BCORL1: variants seen among roughly 807,000 people sequenced by gnomAD.
BCORL1 encodes the protein BCL-6 corepressor-like protein 1.
In BCORL1, 7 loss-of-function variants were observed where a neutral mutation model predicts 87.6. The ratio of observed to expected loss-of-function variants is 0.08; its 90% CI spans 0.05 to 0.15. BCORL1 has a LOEUF of 0.15. Among genes scored for constraint, BCORL1 ranks in the 10% least tolerant of loss-of-function variants. The pLI is 1.00. For synonymous variants in BCORL1, 591 were observed against 634.4 expected (o/e 0.93, Z 1.03); for missense variants, 1,215 against 1,499.7 (o/e 0.81, Z 3.13).
intron 11 of BCORL1, among the ~76,000 whole-genome samples, chrX:130,040,330 A>G (rs1391660983): frequency 8.9e-6 from 1 of 112,372 alleles, no homozygotes; most frequent in African/African-American, 3.2e-5. Flanking sequence ...TTATCCAACA[A>G]AGGTTAACTA....
intron 1 of BCORL1, among the ~76,000 whole-genome samples, chrX:130,002,136 T>G (rs776343151): frequency 9.1e-6 from 1 of 109,440 alleles, no homozygotes; most frequent in East Asian, 2.9e-4. Flanking sequence ...TGCCGTTAAG[T>G]AAGCTAGGAA....
intron 5 of BCORL1, among the ~76,000 whole-genome samples, chrX:130,022,036 C>T (rs1022027988): frequency 9.0e-6 from 1 of 110,709 alleles, no homozygotes; most frequent in Non-Finnish European, 1.9e-5. Context: ...ATCTCCCTGC[C>T]TCAGCCTCCC....
chrX:130,003,207 G>A (rs1928195741), intron 1 of BCORL1, among the ~76,000 whole-genome samples: 1 of 110,421 alleles, frequency 9.1e-6, no homozygotes, highest in African/African-American at 3.3e-5. Context: ...TATCCACGTG[G>A]CTACTCCTTT....
At chrX:129,992,174 G>A (rs1346017226) in intron 1 of BCORL1, among the ~76,000 whole-genome samples, 2 of 100,212 alleles carry the variant, frequency 2.0e-5, no homozygotes, top group African/African-American at 3.6e-5. Flanking sequence ...CAGTCGTCAC[G>A]CCTATAATCC....
Position 130,057,712 on chromosome X carries a change from G to GC in BCORL1, c.*1577dup, listed in dbSNP as rs955412905. 1 of 108,224 alleles carries GC rather than the reference G, an allele frequency of 9.2e-6. No individual in the cohort carries two copies. The highest frequency in any genetic ancestry group is 3.4e-5 in the African/African-American group (1 of 29,596). 8.9% of individuals were successfully genotyped at this position (108,224 alleles called of 1,213,427 possible). ...TGTTCTCTAGAGGCTCCTGAGCCAT[G>GC]CGGGAGCATTGGTGGTTATTTTCTT... On this transcript the variant is annotated 3_prime_UTR_variant, in exon 14 of 14. Transcript: ENST00000540052.
chrX:130,003,132 G>T (rs769386300), intron 1 of BCORL1, among the ~76,000 whole-genome samples: 1 of 111,151 alleles, frequency 9.0e-6, no homozygotes, highest in African/African-American at 3.3e-5. Context: ...ATCTTTGTGG[G>T]CAACCTCCTG....
intron 1 of BCORL1, among the ~76,000 whole-genome samples, chrX:129,993,361 G>A (rs1927326786): frequency 8.9e-6 from 1 of 112,347 alleles, no homozygotes; most frequent in Non-Finnish European, 1.9e-5. Context: ...CATAGCAATG[G>A]GTAGAAAGCA....
At chrX:129,983,773 A>G in intron 1 of BCORL1, among the ~76,000 whole-genome samples, 1 of 109,330 alleles carries the variant, frequency 9.1e-6, no homozygotes, top group South Asian at 4.0e-4. Context: ...GGGGCAATTC[A>G]TACTAGCACC....
At chrX:130,031,868 A>G (rs1039621833) in intron 8 of BCORL1, among the ~76,000 whole-genome samples, 4 of 111,799 alleles carry the variant, frequency 3.6e-5, no homozygotes, top group African/African-American at 1.3e-4. Flanking sequence ...AATGATGACA[A>G]TATGAACCCT....
rs898788279 is a variant in BCORL1 at position 129,988,630 on chromosome X, T to C, written c.-45+5868T>C. ...GTGAGGCAGGATACCTCTTCATTTG[T>C]ATTTTAAGAAAACCTTAAGCTGAAG... On this transcript the variant is annotated intron_variant, in intron 1 of 13. Transcript: ENST00000540052. Among the ~76,000 whole-genome samples the C allele has an allele frequency of 2.1e-4, 23 of 111,971 alleles. No homozygotes were observed. The East Asian group carries it at 5.3e-3, about 26-fold the overall frequency.
chrX:130,054,496 T>C (rs1006162717), intron 13 of BCORL1, among the ~76,000 whole-genome samples: 1 of 110,368 alleles, frequency 9.1e-6, no homozygotes, highest in African/African-American at 3.3e-5. Flanking sequence ...TCCTTTATCA[T>C]GTGGCTGGTG....
rs750640150 is a variant in BCORL1, at chrX:130,015,387, T to G, written c.2615T>G (p.Val872Gly). 3.8e-5 allele frequency: 46 copies of G among 1,210,765 alleles called. No homozygotes were observed. The East Asian group carries it at 1.3e-3, about 33-fold the overall frequency. Residue 872 changes from valine (V) to glycine (G), a missense_variant, in exon 4 of 14, where the codon GTG becomes GGG. Transcript: ENST00000540052. ...PTSVVSEFSG[V>G]PSLSSSEAVH... is the part of the protein sequence containing the mutation. ...AGCGTTGTTTCGGAGTTTTCTGGTGTGCCATCTCTCAGCTCCAGCGAAGCC... is the reference window on the plus strand; with the variant it reads ...AGCGTTGTTTCGGAGTTTTCTGGTGGGCCATCTCTCAGCTCCAGCGAAGCC...
chrX:130,013,750 G>C lies in BCORL1; in HGVS notation c.978G>C (p.Pro326=). The C allele has an allele frequency of 8.4e-7, 1 of 1,188,890 alleles. No homozygotes were observed. Among genetic ancestry groups the C allele is most frequent in the East Asian group, 3.1e-5 (1 of 32,335 alleles). ...LIQAPVPPSA[P]TLVLAPVPTP... ...AGGCTCCTGTGCCCCCTTCAGCTCC[G>C]ACCTTGGTTCTCGCTCCCGTCCCCA... is the stretch of plus-strand genomic sequence containing the variant. Residue 326 remains proline (P), a synonymous_variant, in exon 4 of 14, where the codon CCG becomes CCC. Transcript: ENST00000540052.
chrX:130,014,233 C>T lies in BCORL1; in HGVS notation c.1461C>T (p.Asp487=), dbSNP rs1480843885. 6 of 1,208,664 alleles carry T rather than the reference C, an allele frequency of 5.0e-6. No individual in the cohort carries two copies. The African/African-American group carries it at 5.3e-5, about 11-fold the overall frequency. ...TLPVLPSYLQ[D]RCLPGVLASP... is the part of the protein sequence containing the mutation. ...CTGTCCTGCCGTCCTACCTGCAGGA[C>T]AGGTGTCTCCCAGGCGTGCTAGCCT... Residue 487 remains aspartate, a synonymous_variant, in exon 4 of 14, where the codon GAC becomes GAT. Transcript: ENST00000540052.
At chrX:129,998,338 C>G (rs896406140) in intron 1 of BCORL1, among the ~76,000 whole-genome samples, 29 of 97,648 alleles carry the variant, frequency 3.0e-4, no homozygotes, top group Non-Finnish European at 4.0e-5. Flanking sequence ...TGATTTCCAT[C>G]AGAGAGAGGG....
At chrX:130,018,965 A>G (rs752937354) in intron 4 of BCORL1, among the ~76,000 whole-genome samples, 161 of 112,225 alleles carry the variant, frequency 1.4e-3, no homozygotes, top group Non-Finnish European at 2.4e-3. Flanking sequence ...CCTGTTGCCA[A>G]TACCACCTGC....
chrX:130,022,855 T>A (rs1929951964), intron 5 of BCORL1, 42 bp from the exon 6 acceptor site: 2 of 1,130,049 alleles, frequency 1.8e-6, no homozygotes, highest in Non-Finnish European at 2.4e-6. Flanking sequence ...GCTTTGATTG[T>A]AACATTTCTG....
intron 8 of BCORL1, among the ~76,000 whole-genome samples, 171 bp from the exon 9 acceptor site, chrX:130,034,284 G>A (rs1033702571): frequency 8.9e-6 from 1 of 112,109 alleles, no homozygotes; most frequent in African/African-American, 3.2e-5. Flanking sequence ...CTGGCCCAGC[G>A]TCTGGCCTCA....
intron 1 of BCORL1, among the ~76,000 whole-genome samples, chrX:130,003,502 A>G (rs1053480296): frequency 1.8e-5 from 2 of 109,131 alleles, no homozygotes; most frequent in African/African-American, 6.7e-5. Context: ...CCTCCTGAGT[A>G]TCTGGGATTA....
Sources: gnomAD v4.1 joint callset for allele counts (sites outside exome capture counted in the v4.1 genomes callset) on GRCh38, gnomAD v4.1.1 for gene constraint, MANE v1.5 for transcripts, NCBI Gene and HGNC (gene_info 2026-07-23, HGNC 2026-07-21) for gene names.